Variants in DAB1 observed in about 807,000 individuals in gnomAD.
DAB1 encodes the protein DAB adaptor protein 1.
In DAB1, 15 loss-of-function variants were observed where a neutral mutation model predicts 64.6. That is an observed-to-expected ratio of 0.23 (90% CI 0.16 to 0.36). The LOEUF (loss-of-function observed/expected upper bound fraction) is 0.36. Among genes scored for constraint, DAB1 ranks in the 10% least tolerant of loss-of-function variants. The pLI is 1.00. For synonymous variants in DAB1, 235 were observed against 251.9 expected (o/e 0.93, Z 0.64); for missense variants, 596 against 706.7 (o/e 0.84, Z 1.78).
At chr1:57,981,947 C>G (rs1481556684) in intron 5 of DAB1, among the ~76,000 whole-genome samples, 2 of 152,160 alleles carry the variant, frequency 1.3e-5, no homozygotes, top group Non-Finnish European at 2.9e-5. Context: ...ATAAGTGACT[C>G]TGAAAGCCCA....
intron 9 of DAB1, among the ~76,000 whole-genome samples, chr1:57,029,125 G>C (rs992517586): frequency 2.0e-5 from 3 of 152,162 alleles, no homozygotes; most frequent in African/African-American, 7.2e-5. Context: ...TTCCTGTGCT[G>C]TATACAGTCT....
chr1:57,045,875 G>C (rs1648421176), intron 9 of DAB1, among the ~76,000 whole-genome samples: 1 of 152,164 alleles, frequency 6.6e-6, no homozygotes, highest in Non-Finnish European at 1.5e-5. Flanking sequence ...CAGGAAGATG[G>C]GAGGTGGAGA....
At chr1:58,432,126 A>G (rs1644883899) in intron 3 of DAB1, among the ~76,000 whole-genome samples, 1 of 152,038 alleles carries the variant, frequency 6.6e-6, no homozygotes. Flanking sequence ...GGCTCCTCCT[A>G]TCTCAGGGTC....
chr1:57,152,457 G>A (rs915925681), intron 2 of DAB1, among the ~76,000 whole-genome samples: 3 of 152,194 alleles, frequency 2.0e-5, no homozygotes, highest in Non-Finnish European at 4.4e-5. Flanking sequence ...TTCCAAAGGA[G>A]GAAGATATAG....
chr1:57,238,848 CACACACACACAT>C (rs1393758236), intron 2 of DAB1, among the ~76,000 whole-genome samples: 1 of 142,996 alleles, frequency 7.0e-6, no homozygotes, highest in Non-Finnish European at 1.5e-5. Flanking sequence ...TGCGCACACA[CACACACACACAT>C]ACACACACAC....
At chr1:57,203,667 G>A (rs77446864) in intron 2 of DAB1, among the ~76,000 whole-genome samples, 1 of 152,296 alleles carries the variant, frequency 6.6e-6, no homozygotes, top group African/African-American at 2.4e-5. Context: ...GTGATTTGTT[G>A]GTGATAGTGC....
chr1:57,319,785 G>A (rs1675540839), intron 1 of DAB1, among the ~76,000 whole-genome samples: 1 of 151,852 alleles, frequency 6.6e-6, no homozygotes, highest in South Asian at 2.1e-4. Flanking sequence ...TGCTTTGTGG[G>A]AGTTCCTTCT....
chr1:57,824,587 A>G (rs948254003), downstream of DAB1, among the ~76,000 whole-genome samples: 1 of 152,206 alleles, frequency 6.6e-6, no homozygotes, highest in Non-Finnish European at 1.5e-5. Flanking sequence ...TGACCTCACC[A>G]ATAACATGTA....
chr1:58,319,853 A>T (rs1662643066), intron 4 of DAB1, among the ~76,000 whole-genome samples: 1 of 152,130 alleles, frequency 6.6e-6, no homozygotes, highest in African/African-American at 2.4e-5. Context: ...AACTTTCTCT[A>T]ATATTTCATT....
intron 3 of DAB1, among the ~76,000 whole-genome samples, chr1:58,412,821 T>C (rs1644684092): frequency 6.6e-6 from 1 of 152,226 alleles, no homozygotes; most frequent in African/African-American, 2.4e-5. Flanking sequence ...AAAAGCCACT[T>C]ATCTCCCCTA....
At chr1:57,558,888 T>G (rs530164998) in intron 7 of DAB1, among the ~76,000 whole-genome samples, 28 of 151,956 alleles carry the variant, frequency 1.8e-4, no homozygotes, top group Non-Finnish European at 3.5e-4. Context: ...GCTGGGAGGG[T>G]CCAGAAGATA....
rs374964671 is a variant in DAB1, at chr1:57,150,665, T to C, written c.68-5236A>G. 3.0e-4 allele frequency among the ~76,000 whole-genome samples: 46 copies of C among 152,288 alleles called. 1 individual carries two copies. In the South Asian group the frequency reaches 6.4e-3, roughly 21 times the overall value. ...AAACTGTATTTGGTAGGGAGATGATTAGGAAGAGCTACAGAGGAGAGATGG... is the reference window on the plus strand; with the variant it reads ...AAACTGTATTTGGTAGGGAGATGATCAGGAAGAGCTACAGAGGAGAGATGG... On this transcript the variant is annotated intron_variant, in intron 2 of 14. Transcript: ENST00000371236.
chr1:57,882,764 T>TA (rs1644164261), intron 1 of DAB1, among the ~76,000 whole-genome samples: 1 of 152,148 alleles, frequency 6.6e-6, no homozygotes. Flanking sequence ...AGCAAACACC[T>TA]ATTGAGCACT....
At chr1:57,153,248 A>C (rs533418682) in intron 2 of DAB1, among the ~76,000 whole-genome samples, 2 of 152,060 alleles carry the variant, frequency 1.3e-5, no homozygotes, top group African/African-American at 4.8e-5. Context: ...CTGGTCTCGA[A>C]CTCTTGGCTT....
At chr1:57,076,640 G>A (rs1652017675) in intron 4 of DAB1, among the ~76,000 whole-genome samples, 1 of 152,142 alleles carries the variant, frequency 6.6e-6, no homozygotes, top group Non-Finnish European at 1.5e-5. Flanking sequence ...CTGTGCTATT[G>A]CTCACATGGT....
intron 4 of DAB1, among the ~76,000 whole-genome samples, chr1:57,086,440 C>T (rs181830571): frequency 1.3e-5 from 2 of 152,182 alleles, no homozygotes; most frequent in Non-Finnish European, 2.9e-5. Flanking sequence ...CAGGCTGCAG[C>T]TGGACTTGAG....
intron 1 of DAB1, among the ~76,000 whole-genome samples, chr1:57,343,423 T>C (rs933776483): frequency 6.6e-6 from 1 of 152,334 alleles, no homozygotes; most frequent in African/African-American, 2.4e-5. Flanking sequence ...CAGGTGGAGC[T>C]GCCTGCCAGT....
intron 5 of DAB1, among the ~76,000 whole-genome samples, chr1:58,019,709 T>C (rs1646789555): frequency 1.3e-5 from 2 of 152,170 alleles, no homozygotes; most frequent in African/African-American, 4.8e-5. Flanking sequence ...CAGACCAACA[T>C]TTTTCTTACT....
At chr1:57,435,707 A>G (rs1216481864) in intron 7 of DAB1, among the ~76,000 whole-genome samples, 3 of 152,146 alleles carry the variant, frequency 2.0e-5, no homozygotes, top group African/African-American at 7.2e-5. Context: ...GTTATCTCCT[A>G]TGATAACAAT....
Sources: allele counts gnomAD v4.1 joint callset (sites outside exome capture counted in the v4.1 genomes callset), GRCh38; gene constraint gnomAD v4.1.1; transcripts MANE v1.5; gene names NCBI Gene and HGNC (gene_info 2026-07-23, HGNC 2026-07-21).